Variants in KIF2A observed in about 807,000 individuals in gnomAD.
KIF2A encodes kinesin family member 2A, also known as kinesin-like protein KIF2A.
A neutral mutation model predicts 100.2 loss-of-function variants in KIF2A; 22 were observed. The ratio of observed to expected loss-of-function variants is 0.22; its 90% CI spans 0.16 to 0.31. The LOEUF is 0.31. KIF2A is among the 10% of genes least tolerant of loss of function. The pLI is 1.00. For missense variants in KIF2A, 495 were observed against 898.7 expected, an observed-to-expected ratio of 0.55 and a Z score of 5.74; for synonymous variants, 268 against 285.9, an observed-to-expected ratio of 0.94 and a Z score of 0.63.
intron 1 of KIF2A, among the ~76,000 whole-genome samples, chr5:62,330,630 G>C (rs1371880245): frequency 1.3e-5 from 2 of 152,130 alleles, no homozygotes; most frequent in African/African-American, 4.8e-5. Flanking sequence ...GTTCTTCTGA[G>C]AATGGATATT....
Position 62,385,614 on chromosome 5 carries a change from A to T in KIF2A, c.*45A>T, listed in dbSNP as rs1741989309. 7.4e-7 allele frequency: 1 copy of T among 1,345,098 alleles called. No homozygotes were observed. Among genetic ancestry groups the T allele is most frequent in the African/African-American group, 1.4e-5 (1 of 69,080 alleles). The allele number at this position is 1,345,098 out of a possible 1,614,324, so 83.3% of individuals were successfully genotyped here. ...GGATACCCAGAACCCTCACTACTGT[A>T]ACATACAACGGTTCAGCTGTAAGGG... On this transcript the variant is annotated 3_prime_UTR_variant, in exon 21 of 21. Transcript: ENST00000407818.
In KIF2A at chr5:62,306,231, C is replaced by A. The variant is rs1745253042; in HGVS notation, c.-242C>A. The A allele has an allele frequency of 2.0e-6, 1 of 490,688 alleles. No individual in the cohort carries two copies. The highest frequency in any genetic ancestry group is 2.1e-5 in the African/African-American group (1 of 48,112). The allele number at this position is 490,688 out of a possible 1,614,324, so 30.4% of individuals were successfully genotyped here. On this transcript the variant is annotated 5_prime_UTR_variant, in exon 1 of 21. Coordinates refer to ENST00000407818, the MANE Select transcript of KIF2A (RefSeq NM_001098511.3). The stretch of plus-strand genomic sequence containing the variant: ...ACTCTACCCCGCGCCGTCTCACGGC[C>A]CCGGCCCTAGCTTCACCCCGACTAC...
chr5:62,363,056 G>A (rs1202481498), intron 12 of KIF2A, 122 bp from the exon 13 acceptor site: 1 of 726,804 alleles, frequency 1.4e-6, no homozygotes, highest in East Asian at 2.9e-5. Flanking sequence ...TTGAACTCCT[G>A]AGCTCAAGCC....
chr5:62,390,484 A>C lies in KIF2A; in HGVS notation c.*4915A>C, dbSNP rs1742250668. ...GCTATTCCCAGTAAGGAAATTTTAA[A>C]AATCAGATCCAGTTACATGTATTAT... On this transcript the variant is annotated 3_prime_UTR_variant, in exon 21 of 21. Coordinates refer to ENST00000407818, the MANE Select transcript of KIF2A (RefSeq NM_001098511.3). Among the ~76,000 whole-genome samples the C allele has an allele frequency of 1.3e-5, 2 of 152,216 alleles. No individual in the cohort carries two copies.
rs1386341595 is a variant in KIF2A, at chr5:62,390,766, A to G, written c.*5197A>G. 2.4e-6 allele frequency: 2 copies of G among 848,050 alleles called. No homozygotes were observed. Among genetic ancestry groups the G allele is most frequent in the African/African-American group, 1.7e-5 (1 of 59,500 alleles). 52.5% of individuals were successfully genotyped at this position (848,050 alleles called of 1,614,324 possible). A position where few individuals can be genotyped will look rare whatever the true frequency, so the allele number is the denominator to read the frequency against. ...TTCCATGCCATGGAAGTGCTATGCA[A>G]TAACTCTCCCAGGTAGCACCTTATA... On this transcript the variant is annotated 3_prime_UTR_variant, in exon 21 of 21. Transcript: ENST00000407818.
chr5:62,363,383 A>ATCCTC, intron 13 of KIF2A, 63 bp downstream of exon 13: 1 of 1,439,698 alleles, frequency 6.9e-7, no homozygotes, highest in Non-Finnish European at 9.5e-7. Flanking sequence ...ACAGTATAAC[A>ATCCTC]AAATGAGGAT....
chr5:62,325,290 A>G (rs1746318048), intron 1 of KIF2A, among the ~76,000 whole-genome samples: 1 of 151,798 alleles, frequency 6.6e-6, no homozygotes, highest in South Asian at 2.1e-4. Flanking sequence ...TGCCCGGCTA[A>G]TTTTTGTATT....
intron 1 of KIF2A, among the ~76,000 whole-genome samples, chr5:62,325,231 C>T (rs955824950): frequency 1.3e-5 from 2 of 152,018 alleles, no homozygotes; most frequent in African/African-American, 4.8e-5. Flanking sequence ...TCAAGTGGTT[C>T]TCCTGCCTCA....
chr5:62,369,744 C>T (rs1262188132), intron 16 of KIF2A, among the ~76,000 whole-genome samples: 1 of 151,546 alleles, frequency 6.6e-6, no homozygotes, highest in African/African-American at 2.4e-5. Flanking sequence ...TTTTTTTAGG[C>T]CAATACTTTG....
intron 1 of KIF2A, among the ~76,000 whole-genome samples, chr5:62,338,311 C>T (rs887438401): frequency 5.3e-5 from 8 of 152,090 alleles, no homozygotes; most frequent in African/African-American, 1.4e-4. Flanking sequence ...TTATTCGAGT[C>T]GGAGTCTTGC....
Position 62,350,110 on chromosome 5 carries a change from A to G in KIF2A, c.324A>G (p.Arg108=), listed in dbSNP as rs111451402. ...CTATTAAGAATGACCCTCCTTCAAG[A>G]GATAATAGAGGTAAAGTAAAAATTT... ...VASIKNDPPS[R]DNRVVGSARA... The change falls in exon 4 of 21, where the codon AGA becomes AGG. Residue 108 remains arginine, a synonymous_variant. Coordinates refer to ENST00000407818, the MANE Select transcript of KIF2A (RefSeq NM_001098511.3). The G allele has an allele frequency of 1.3e-6, 2 of 1,578,156 alleles. No homozygotes were observed. The highest frequency in any genetic ancestry group is 1.7e-6 in the Non-Finnish European group (2 of 1,160,258).
At position 62,311,133 on chromosome 5, in the gene KIF2A, C is replaced by T. The variant is rs190516708; in HGVS notation, c.64+4597C>T. On this transcript the variant is annotated intron_variant, in intron 1 of 20. Coordinates refer to ENST00000407818, the MANE Select transcript of KIF2A (RefSeq NM_001098511.3). ...ATGTGGAAACTTGAGTCCCAGATCACCATAAGTGACTTATCTAGATTCATA... is the reference window on the plus strand; with the variant it reads ...ATGTGGAAACTTGAGTCCCAGATCATCATAAGTGACTTATCTAGATTCATA... 1.6e-3 allele frequency among the ~76,000 whole-genome samples: 240 copies of T among 152,258 alleles called. 1 individual carries two copies. Among genetic ancestry groups the T allele is most frequent in the African/African-American group, 5.6e-3 (233 of 41,552 alleles).
rs1429361649 is a variant in KIF2A, at chr5:62,385,959, C to T, written c.*390C>T. On this transcript the variant is annotated 3_prime_UTR_variant, in exon 21 of 21. Coordinates refer to ENST00000407818, the MANE Select transcript of KIF2A (RefSeq NM_001098511.3). ...TAGTGAGACTGAGCAGTTTTAAATC[C>T]TTTGCGTGCATGCATACCTCATCAG... 1 of 210,668 alleles carries T rather than the reference C, an allele frequency of 4.7e-6. No homozygotes were observed. Among genetic ancestry groups the T allele is most frequent in the East Asian group, 1.2e-4 (1 of 8,612 alleles). The allele number at this position is 210,668 out of a possible 1,614,324, so 13.0% of individuals were successfully genotyped here. A position where few individuals can be genotyped will look rare whatever the true frequency, so the allele number is the denominator to read the frequency against.
intron 1 of KIF2A, among the ~76,000 whole-genome samples, chr5:62,322,819 G>A (rs1279895884): frequency 1.4e-5 from 2 of 147,128 alleles, no homozygotes; most frequent in Non-Finnish European, 3.0e-5. Context: ...ATGGGAAATA[G>A]CATTTAAATG....
intron 1 of KIF2A, among the ~76,000 whole-genome samples, chr5:62,310,069 T>G (rs12696989): frequency 7.5e-6 from 1 of 133,492 alleles, no homozygotes; most frequent in Non-Finnish European, 1.6e-5. Context: ...AACTAATAAT[T>G]CTTTTTTTTT....
At chr5:62,326,233 C>A (rs1746373421) in intron 1 of KIF2A, among the ~76,000 whole-genome samples, 1 of 152,164 alleles carries the variant, frequency 6.6e-6, no homozygotes, top group Admixed American at 6.5e-5. Flanking sequence ...TTACCAAAAA[C>A]AGAATCCATT....
chr5:62,381,050 A>G, intron 19 of KIF2A, 68 bp from the exon 20 acceptor site: 1 of 1,159,102 alleles, frequency 8.6e-7, no homozygotes, highest in African/African-American at 1.6e-5. Flanking sequence ...ATTATATTTA[A>G]CAGAATTGTA....
At chr5:62,327,558 A>G (rs565020276) in intron 1 of KIF2A, among the ~76,000 whole-genome samples, 1 of 152,320 alleles carries the variant, frequency 6.6e-6, no homozygotes, top group Non-Finnish European at 1.5e-5. Context: ...TCTCCACTGG[A>G]CAGATATCTT....
chr5:62,368,594 T>C (rs1028187331), intron 16 of KIF2A, among the ~76,000 whole-genome samples: 10 of 152,036 alleles, frequency 6.6e-5, no homozygotes, highest in South Asian at 2.1e-4. Flanking sequence ...CTGGGCAACA[T>C]AGCAAAACCC....
Sources: gnomAD v4.1 joint callset for allele counts (sites outside exome capture counted in the v4.1 genomes callset) on GRCh38, gnomAD v4.1.1 for gene constraint, MANE v1.5 for transcripts, NCBI Gene and HGNC (gene_info 2026-07-23, HGNC 2026-07-21) for gene names.